Variants in NBEAL1 observed in about 807,000 individuals in gnomAD.
NBEAL1 encodes the protein neurobeachin-like protein 1.
Under a neutral mutation model 351.3 loss-of-function variants are expected in NBEAL1, and 273 were observed. That is an observed-to-expected ratio of 0.78 (90% CI 0.70 to 0.86). The LOEUF (loss-of-function observed/expected upper bound fraction) is 0.86, where lower values mean the gene tolerates loss of function less well. Among genes scored for constraint, NBEAL1 ranks in the 40% least tolerant of loss-of-function variants. The probability of loss-of-function intolerance (pLI) is 0.00; values close to 1 mark genes in which losing one functional copy is unlikely to be tolerated. For missense variants in NBEAL1, 2,961 were observed against 3,201.3 expected (o/e 0.92, Z 1.81); for synonymous variants, 1,050 against 1,086.4 (o/e 0.97, Z 0.66).
At chr2:203,059,984 TCTC>T (rs1331513431) in intron 6 of NBEAL1, among the ~76,000 whole-genome samples, 2 of 152,182 alleles carry the variant, frequency 1.3e-5, no homozygotes, top group Non-Finnish European at 2.9e-5. Context: ...GGAAAGTATA[TCTC>T]CTCCTCTTCC....
Position 203,106,706 on chromosome 2 carries a change from C to T in NBEAL1, c.1270-714C>T, listed in dbSNP as rs546444900. Among the ~76,000 whole-genome samples, 437 of 152,242 alleles carry T rather than the reference C, an allele frequency of 2.9e-3. 1 individual carries two copies. The highest frequency in any genetic ancestry group is 4.8e-3 in the Non-Finnish European group (326 of 68,002). Reference sequence around the variant, plus strand: ...TCTTGACCCACATTCAACCATTTCTCTCCCTAAAGGAAACCAGCTTTACTT... The same window carrying T: ...TCTTGACCCACATTCAACCATTTCTTTCCCTAAAGGAAACCAGCTTTACTT... On this transcript the variant is annotated intron_variant, in intron 12 of 55. Coordinates refer to ENST00000683969, the MANE Select transcript of NBEAL1 (RefSeq NM_001378026.1).
At chr2:203,214,188 A>G (rs956513764) in intron 55 of NBEAL1, among the ~76,000 whole-genome samples, 4 of 152,228 alleles carry the variant, frequency 2.6e-5, no homozygotes, top group Non-Finnish European at 4.4e-5. Flanking sequence ...CTCTTAGGAA[A>G]ACTTTGTAGT....
chr2:203,167,935 C>T (rs577249193), intron 38 of NBEAL1, among the ~76,000 whole-genome samples: 3 of 152,220 alleles, frequency 2.0e-5, no homozygotes, highest in South Asian at 4.1e-4. Flanking sequence ...CTCTCGTAGG[C>T]GTCTCCCCTA....
rs950546515 is a variant in NBEAL1 at position 203,223,863 on chromosome 2, C to T, written c.*6509C>T. On this transcript the variant is annotated 3_prime_UTR_variant, in exon 56 of 56. Coordinates refer to ENST00000683969, the MANE Select transcript of NBEAL1 (RefSeq NM_001378026.1). ...AAGGAAAAAGATACTTGTCTGTATA[C>T]GACATAATTGTTTTACTCTTCAGAA... Among the ~76,000 whole-genome samples the T allele has an allele frequency of 7.9e-5, 12 of 151,980 alleles. No individual in the cohort carries two copies. The East Asian group carries it at 1.5e-3, about 20-fold the overall frequency.
At chr2:203,209,663 C>G (rs1196135000) in intron 53 of NBEAL1, among the ~76,000 whole-genome samples, 1 of 149,832 alleles carries the variant, frequency 6.7e-6, no homozygotes, top group Non-Finnish European at 1.5e-5. Context: ...AACAAGCCCT[C>G]AATTTTATGT....
chr2:203,050,904 C>A (rs551472069), intron 4 of NBEAL1, among the ~76,000 whole-genome samples: 15 of 152,270 alleles, frequency 9.9e-5, no homozygotes, highest in Admixed American at 7.8e-4. Flanking sequence ...ATTCAAGAAC[C>A]ATTGGTTTAT....
chr2:203,214,174 C>T (rs944471855), intron 55 of NBEAL1, among the ~76,000 whole-genome samples: 2 of 152,186 alleles, frequency 1.3e-5, no homozygotes, highest in Non-Finnish European at 2.9e-5. Context: ...AAATCTAACT[C>T]TCACTCTTAG....
intron 24 of NBEAL1, among the ~76,000 whole-genome samples, chr2:203,129,575 T>G (rs988888833): frequency 5.3e-5 from 8 of 152,220 alleles, no homozygotes; most frequent in African/African-American, 1.9e-4. Context: ...TGTTGAGGAC[T>G]TACTGTTTAC....
At chr2:203,098,904 T>A (rs1405383876) in intron 11 of NBEAL1, among the ~76,000 whole-genome samples, 5 of 152,212 alleles carry the variant, frequency 3.3e-5, no homozygotes, top group Non-Finnish European at 7.3e-5. Flanking sequence ...AAGATTATTT[T>A]AGCTGTCTTT....
intron 12 of NBEAL1, among the ~76,000 whole-genome samples, chr2:203,100,546 T>G (rs940610926): frequency 2.4e-5 from 3 of 126,284 alleles, no homozygotes; most frequent in South Asian, 3.0e-4. Context: ...ATGTTTTCTT[T>G]TCTTTTTTTT....
At chr2:203,179,601 C>A (rs1575092051) in intron 42 of NBEAL1, among the ~76,000 whole-genome samples, 1 of 152,208 alleles carries the variant, frequency 6.6e-6, no homozygotes, top group East Asian at 1.9e-4. Context: ...CTAACTCACT[C>A]TCTGGTTTTA....
rs2065938825 is a variant in NBEAL1 at position 203,220,093 on chromosome 2, A to G, written c.*2739A>G. 6.6e-6 allele frequency among the ~76,000 whole-genome samples: 1 copy of G among 152,212 alleles called. No homozygotes were observed. The highest frequency in any genetic ancestry group is 1.5e-5 in the Non-Finnish European group (1 of 68,028). The stretch of plus-strand genomic sequence containing the variant: ...TAGATGTTACCCATAGAAATTAGTT[A>G]TATATTATATAATGGGAGAAATGAA... On this transcript the variant is annotated 3_prime_UTR_variant, in exon 56 of 56. Transcript: ENST00000683969.
chr2:203,094,992 C>T (rs551136180), intron 10 of NBEAL1, among the ~76,000 whole-genome samples: 40 of 152,008 alleles, frequency 2.6e-4, no homozygotes, highest in African/African-American at 8.9e-4. Context: ...GGCGTGGTGG[C>T]GCATGCCTGT....
chr2:203,018,889 A>G (rs1047655835), intron 2 of NBEAL1, among the ~76,000 whole-genome samples: 1 of 152,206 alleles, frequency 6.6e-6, no homozygotes, highest in Non-Finnish European at 1.5e-5. Context: ...TTTTAAAATT[A>G]TCAAATATGT....
chr2:203,201,966 T>A (rs879681960), intron 50 of NBEAL1, among the ~76,000 whole-genome samples: 2 of 152,114 alleles, frequency 1.3e-5, no homozygotes, highest in Non-Finnish European at 2.9e-5. Context: ...TGTTTTTTTT[T>A]AATGAATGAT....
chr2:203,085,025 A>T (rs1431049742), intron 10 of NBEAL1: 1 of 155,268 alleles, frequency 6.4e-6, no homozygotes, highest in East Asian at 1.9e-4. Flanking sequence ...TATATAAAAC[A>T]TGTGGATTGC....
rs188584580 is a variant in NBEAL1 at position 203,080,651 on chromosome 2, G to C, written c.685-2568G>C. On this transcript the variant is annotated intron_variant, in intron 8 of 55. Coordinates refer to ENST00000683969, the MANE Select transcript of NBEAL1 (RefSeq NM_001378026.1). ...CTGTCCTTTTTTTGGCACCTAGCCA[G>C]AGTCCCTAGTTAGGTTTCCAGGTGG... is the stretch of plus-strand genomic sequence containing the variant. 2.3e-3 allele frequency among the ~76,000 whole-genome samples: 343 copies of C among 152,218 alleles called. 1 individual carries two copies. Among genetic ancestry groups the C allele is most frequent in the Non-Finnish European group, 4.6e-3 (315 of 68,022 alleles).
intron 27 of NBEAL1, among the ~76,000 whole-genome samples, chr2:203,134,444 T>A (rs767509848): frequency 6.6e-6 from 1 of 152,144 alleles, no homozygotes; most frequent in Non-Finnish European, 1.5e-5. Flanking sequence ...AAAGAAAGAA[T>A]CTTCACGTCA....
chr2:203,162,223 C>T (rs1445516158), intron 36 of NBEAL1, among the ~76,000 whole-genome samples: 7 of 151,338 alleles, frequency 4.6e-5, no homozygotes, highest in Non-Finnish European at 1.0e-4. Flanking sequence ...TGGGTTTCAC[C>T]GTGTTGGCCA....
Sources: gnomAD v4.1 joint callset for allele counts (sites outside exome capture counted in the v4.1 genomes callset) on GRCh38, gnomAD v4.1.1 for gene constraint, MANE v1.5 for transcripts, NCBI Gene and HGNC (gene_info 2026-07-23, HGNC 2026-07-21) for gene names.